SESTD1: variants seen among roughly 807,000 people sequenced by gnomAD.
SESTD1 encodes the protein SEC14 domain and spectrin repeat-containing protein 1.
Under a neutral mutation model 101.7 loss-of-function variants are expected in SESTD1, and 43 were observed. The observed-to-expected ratio is 0.42, with a 90% CI of 0.33 to 0.55. The LOEUF is 0.55. SESTD1 is among the 20% of genes least tolerant of loss of function. The pLI is 0.07. For missense variants in SESTD1, 647 were observed against 815.1 expected (o/e 0.79, Z 2.51); for synonymous variants, 283 against 286.8 (o/e 0.99, Z 0.13).
chr2:179,158,299 AC>A (rs2045667431), intron 5 of SESTD1, among the ~76,000 whole-genome samples: 1 of 152,092 alleles, frequency 6.6e-6, no homozygotes, highest in African/African-American at 2.4e-5. Flanking sequence ...CTCTTATATT[AC>A]CTATCTTGTC....
Position 179,115,089 on chromosome 2 carries a change from A to C in SESTD1, c.1815T>G (p.Ile605Met), listed in dbSNP as rs1173502298. 1 of 1,610,890 alleles carries C rather than the reference A, an allele frequency of 6.2e-7. No homozygotes were observed. The highest frequency in any genetic ancestry group is 1.3e-5 in the African/African-American group (1 of 74,798). Residue 605 changes from isoleucine to methionine, a missense_variant, in exon 16 of 18, where the codon ATT becomes ATG. By Grantham distance (10) the Ile-to-Met change is conservative (BLOSUM62 1). This residue lies in a region of SESTD1 where 476 missense variants were observed against 562.6 expected (regional missense o/e 0.85). Coordinates refer to ENST00000428443, the MANE Select transcript of SESTD1 (RefSeq NM_178123.5). ...EERVHRLEMA[I>M]AFHSNAEKIL... ...CCTTTTCAGCATTTGAGTGAAATGC[A>C]ATAGCCATTTCCAATCTATGTACTC... is the stretch of plus-strand genomic sequence containing the variant.
At position 179,123,829 on chromosome 2, in the gene SESTD1, A is replaced by G; in HGVS notation, c.1168T>C (p.Leu390=). 1 of 1,610,260 alleles carries G rather than the reference A, an allele frequency of 6.2e-7. No individual in the cohort carries two copies. The highest frequency in any genetic ancestry group is 8.5e-7 in the Non-Finnish European group (1 of 1,176,712). The change falls in exon 12 of 18, where the codon TTG becomes CTG. Residue 390 remains leucine (L), a splice_region_variant and synonymous_variant. Coordinates refer to ENST00000428443, the MANE Select transcript of SESTD1 (RefSeq NM_178123.5). ...AATAAGCCATCCAACTGCTGAGACA[A>G]CTAAAGCAGAGGGACACCAAAGAGA... ...ALEFHGVAQD[L]SQQLDGLLGM...
intron 3 of SESTD1, among the ~76,000 whole-genome samples, chr2:179,178,294 C>G (rs1446975281): frequency 6.6e-6 from 1 of 151,934 alleles, no homozygotes; most frequent in Admixed American, 6.6e-5. Flanking sequence ...AAAGGTAAGG[C>G]CAATACAGTG....
chr2:179,172,137 CCTT>C lies in SESTD1; in HGVS notation c.349_351del (p.Lys117del). ...ACATTTACCTCAAAGCCAAGTCTAT[CCTT>C]CTCCTTCCAAAAACAAAAATGCGTT... On this transcript the variant is annotated inframe_deletion, in exon 5 of 18. Coordinates refer to ENST00000428443, the MANE Select transcript of SESTD1 (RefSeq NM_178123.5). 6.2e-7 allele frequency: 1 copy of C among 1,607,172 alleles called. No individual in the cohort carries two copies. The highest frequency in any genetic ancestry group is 8.5e-7 in the Non-Finnish European group (1 of 1,175,058).
chr2:179,240,711 G>A (rs911396122), intron 1 of SESTD1, among the ~76,000 whole-genome samples: 4 of 152,158 alleles, frequency 2.6e-5, no homozygotes, highest in African/African-American at 9.7e-5. Flanking sequence ...AGAAGGTCAA[G>A]TGGAGGGCCT....
chr2:179,143,986 ATATGTGTG>A (rs1353669950), intron 8 of SESTD1, among the ~76,000 whole-genome samples, 183 bp from the exon 9 acceptor site: 2 of 151,048 alleles, frequency 1.3e-5, no homozygotes, highest in East Asian at 1.9e-4. Context: ...ATTAATATAT[ATATGTGTG>A]TATGTGTGTG....
intron 1 of SESTD1, among the ~76,000 whole-genome samples, chr2:179,237,531 C>T (rs1161830971): frequency 2.0e-5 from 3 of 152,126 alleles, no homozygotes; most frequent in Admixed American, 1.3e-4. Flanking sequence ...GTGTGTGTCC[C>T]TTCCCTACAA....
chr2:179,224,414 T>C (rs577856848), intron 1 of SESTD1, among the ~76,000 whole-genome samples: 2 of 152,340 alleles, frequency 1.3e-5, no homozygotes, highest in East Asian at 3.9e-4. Context: ...AGTCCAAGGA[T>C]ACAATATTGT....
intron 1 of SESTD1, among the ~76,000 whole-genome samples, chr2:179,245,319 C>G (rs945530170): frequency 2.0e-5 from 3 of 152,006 alleles, no homozygotes; most frequent in African/African-American, 7.3e-5. Flanking sequence ...GTTCCGAGAC[C>G]AGCCTGGCCA....
rs1252473122 is a variant in SESTD1, at chr2:179,105,092, T to A, written c.*4807A>T. The A allele has an allele frequency of 6.6e-6, 1 of 152,110 alleles. No individual in the cohort carries two copies. Among genetic ancestry groups the A allele is most frequent in the African/African-American group, 2.4e-5 (1 of 41,420 alleles). 9.4% of individuals were successfully genotyped at this position (152,110 alleles called of 1,614,324 possible). On this transcript the variant is annotated 3_prime_UTR_variant, in exon 18 of 18. Transcript: ENST00000428443. ...ACAGTATCAGTCGGCCATTTTCTGT[T>A]CATCATCACTGCCTGAGTTTACCAA...
chr2:179,161,075 CT>C (rs56092247), intron 5 of SESTD1, among the ~76,000 whole-genome samples: 10,371 of 134,162 alleles, frequency 0.077, 388 homozygotes, highest in Middle Eastern at 0.14. Flanking sequence ...CCATACCTAG[CT>C]TTTTTTTTTT....
At chr2:179,188,522 C>T (rs987479333) in intron 2 of SESTD1, among the ~76,000 whole-genome samples, 3 of 152,096 alleles carry the variant, frequency 2.0e-5, no homozygotes, top group Non-Finnish European at 2.9e-5. Flanking sequence ...CCTGTAGTCT[C>T]AGCTAATTGT....
At chr2:179,210,482 C>T (rs2046637226) in intron 1 of SESTD1, among the ~76,000 whole-genome samples, 1 of 134,892 alleles carries the variant, frequency 7.4e-6, no homozygotes, top group Admixed American at 7.2e-5. Flanking sequence ...GATAATACAC[C>T]ATGACCAAGT....
At chr2:179,120,203 T>TG (rs2044718121) in intron 13 of SESTD1, among the ~76,000 whole-genome samples, 1 of 151,314 alleles carries the variant, frequency 6.6e-6, no homozygotes, top group Non-Finnish European at 1.5e-5. Context: ...CACTCCAGCC[T>TG]AGTGACAGAG....
intron 12 of SESTD1, among the ~76,000 whole-genome samples, chr2:179,123,295 A>C (rs908133685): frequency 1.3e-5 from 2 of 152,202 alleles, no homozygotes; most frequent in Non-Finnish European, 1.5e-5. Flanking sequence ...AGAACCAAAA[A>C]ACCAAACCAA....
intron 1 of SESTD1, among the ~76,000 whole-genome samples, chr2:179,192,801 T>C (rs1396676099): frequency 2.6e-5 from 4 of 152,218 alleles, no homozygotes; most frequent in Non-Finnish European, 4.4e-5. Context: ...GATTCAATTC[T>C]ATTATCCTCT....
At chr2:179,122,302 G>A (rs938483456) in intron 12 of SESTD1, among the ~76,000 whole-genome samples, 3 of 152,056 alleles carry the variant, frequency 2.0e-5, no homozygotes, top group African/African-American at 7.2e-5. Context: ...ACTTATAGGA[G>A]AACAAGGCAA....
chr2:179,198,339 C>A (rs897539904), intron 1 of SESTD1, among the ~76,000 whole-genome samples: 1 of 152,100 alleles, frequency 6.6e-6, no homozygotes, highest in Non-Finnish European at 1.5e-5. Context: ...GACTTAGACT[C>A]CCACACATTA....
intron 11 of SESTD1, among the ~76,000 whole-genome samples, chr2:179,124,053 CA>C (rs1295705938): frequency 1.2e-4 from 18 of 151,770 alleles, no homozygotes; most frequent in African/African-American, 4.4e-4. Flanking sequence ...CAGCAGAATG[CA>C]AAAAAGTATT....
Sources: allele counts gnomAD v4.1 joint callset (sites outside exome capture counted in the v4.1 genomes callset), GRCh38; gene constraint gnomAD v4.1.1; regional missense constraint gnomAD v4.1.1; transcripts MANE v1.5; gene names NCBI Gene and HGNC (gene_info 2026-07-23, HGNC 2026-07-21).